The following SPDYE10 variants were observed in gnomAD, a reference collection of about 807,000 sequenced individuals.
SPDYE10 encodes the protein speedy/RINGO cell cycle regulator family member E10.
chr7:73,136,181 G>GTCTT, the SPDYE10 span, among the ~76,000 whole-genome samples: 6 of 36,528 alleles, frequency 1.6e-4, no homozygotes, highest in East Asian at 1.1e-3. Flanking sequence ...CCTGGCCTAT[G>GTCTT]TCTTTCTTTC....
the SPDYE10 span, among the ~76,000 whole-genome samples, chr7:73,114,595 G>A: frequency 2.2e-5 from 3 of 138,614 alleles, no homozygotes; most frequent in South Asian, 7.1e-4. Flanking sequence ...AGAGTACAGT[G>A]GCATGATCTC....
At chr7:73,143,648 A>T in the SPDYE10 span, among the ~76,000 whole-genome samples, 1 of 152,022 alleles carries the variant, frequency 6.6e-6, no homozygotes, top group Non-Finnish European at 1.5e-5. Flanking sequence ...CTGGGGTTGT[A>T]CCTGTTTCAA....
the SPDYE10 span, among the ~76,000 whole-genome samples, chr7:73,123,788 C>CTCCCT: frequency 4.1e-5 from 4 of 97,458 alleles, no homozygotes; most frequent in East Asian, 3.2e-4. Context: ...TCTCTCTCTC[C>CTCCCT]CTCTCTCTCT....
At chr7:73,123,788 C>CCTCTCTCCCTCTCTCTCTCTCTCT in the SPDYE10 span, among the ~76,000 whole-genome samples, 3 of 97,458 alleles carry the variant, frequency 3.1e-5, no homozygotes, top group African/African-American at 1.5e-4. Context: ...TCTCTCTCTC[C>CCTCTCTCCCTCTCTCTCTCTCTCT]CTCTCTCTCT....
chr7:73,127,243 C>T, the SPDYE10 span, among the ~76,000 whole-genome samples: 1 of 64,216 alleles, frequency 1.6e-5, no homozygotes, highest in Non-Finnish European at 3.0e-5. Context: ...CGCCCAACCT[C>T]AGGATGGAAA....
chr7:73,113,718 A>C, the SPDYE10 span, among the ~76,000 whole-genome samples: 1 of 152,074 alleles, frequency 6.6e-6, no homozygotes, highest in Admixed American at 6.5e-5. Flanking sequence ...ACATGGTGAA[A>C]CCGCATCTCT....
chr7:73,139,745 C>G, the SPDYE10 span, among the ~76,000 whole-genome samples: 9 of 138,866 alleles, frequency 6.5e-5, no homozygotes, highest in South Asian at 2.4e-4. Context: ...CAAGCTCCAT[C>G]TCCTGGGTTC....
chr7:73,135,012 C>G, the SPDYE10 span, among the ~76,000 whole-genome samples: 11 of 152,418 alleles, frequency 7.2e-5, no homozygotes, highest in East Asian at 1.3e-3. Context: ...GCCTCTTGTC[C>G]TGCTGCAGCC....
At chr7:73,145,105 CTCTTTCTT>C in the SPDYE10 span, among the ~76,000 whole-genome samples, 5 of 137,382 alleles carry the variant, frequency 3.6e-5, no homozygotes, top group Admixed American at 7.2e-5. Context: ...TCTTTCTTTC[CTCTTTCTT>C]TCTTTCTTTC....
chr7:73,123,788 C>CGTCTCTCT, the SPDYE10 span, among the ~76,000 whole-genome samples: 1 of 97,458 alleles, frequency 1.0e-5, no homozygotes, highest in Non-Finnish European at 1.9e-5. Flanking sequence ...TCTCTCTCTC[C>CGTCTCTCT]CTCTCTCTCT....
chr7:73,137,082 G>C, the SPDYE10 span, among the ~76,000 whole-genome samples: 2 of 151,984 alleles, frequency 1.3e-5, no homozygotes, highest in African/African-American at 2.4e-5. Context: ...ACACAGCTGG[G>C]ATTGAAACCC....
At chr7:73,127,085 T>C in the SPDYE10 span, among the ~76,000 whole-genome samples, 1 of 49,484 alleles carries the variant, frequency 2.0e-5, no homozygotes, top group East Asian at 2.8e-4. Flanking sequence ...CGCCTGGCTT[T>C]TTTTTTTTTT....
At chr7:73,141,111 C>CAG in the SPDYE10 span, among the ~76,000 whole-genome samples, 375 of 144,532 alleles carry the variant, frequency 2.6e-3, no homozygotes, top group African/African-American at 9.4e-3. Flanking sequence ...CACACACACA[C>CAG]AGACAAAATT....
the SPDYE10 span, among the ~76,000 whole-genome samples, chr7:73,114,467 AGT>A: frequency 6.7e-6 from 1 of 150,316 alleles, no homozygotes; most frequent in Non-Finnish European, 1.5e-5. Flanking sequence ...GCCAACACCG[AGT>A]ATTCATGACA....
chr7:73,124,029 G>A, the SPDYE10 span, among the ~76,000 whole-genome samples: 3 of 149,896 alleles, frequency 2.0e-5, no homozygotes, highest in East Asian at 1.9e-4. Flanking sequence ...GCAATCTTCC[G>A]GCCTCAGCCT....
chr7:73,137,607 AAAGAAAG>A, the SPDYE10 span, among the ~76,000 whole-genome samples: 4 of 132,830 alleles, frequency 3.0e-5, no homozygotes, highest in East Asian at 4.0e-4. Flanking sequence ...AGAAAGAAAG[AAAGAAAG>A]AAAGAAAGAA....
chr7:73,132,546 CA>C, the SPDYE10 span, among the ~76,000 whole-genome samples: 13,807 of 59,344 alleles, frequency 0.23, 332 homozygotes, highest in East Asian at 0.34. Flanking sequence ...GACCCTGTCT[CA>C]AAAAAAAAAA....
chr7:73,152,198 G>A, the SPDYE10 span, among the ~76,000 whole-genome samples: 1 of 135,920 alleles, frequency 7.4e-6, no homozygotes, highest in Non-Finnish European at 1.6e-5. Flanking sequence ...TATTTTCAGT[G>A]GAGACGGGGT....
chr7:73,123,788 C>CTCTCTCTCTCTCTCT, the SPDYE10 span, among the ~76,000 whole-genome samples: 34 of 97,460 alleles, frequency 3.5e-4, no homozygotes, highest in Admixed American at 6.3e-4. Context: ...TCTCTCTCTC[C>CTCTCTCTCTCTCTCT]CTCTCTCTCT....
Sources: gnomAD v4.1 joint callset for allele counts (sites outside exome capture counted in the v4.1 genomes callset) on GRCh38, gnomAD v4.1.1 for gene constraint, MANE v1.5 for transcripts, NCBI Gene and HGNC (gene_info 2026-07-23, HGNC 2026-07-21) for gene names.